The following KCNC1 variants were observed in gnomAD, a reference collection of about 807,000 sequenced individuals.
KCNC1 encodes voltage-gated potassium channel KCNC1.
A neutral mutation model predicts 43.4 loss-of-function variants in KCNC1; 8 were observed. The observed-to-expected ratio is 0.18, with a 90% CI of 0.11 to 0.33. The LOEUF (loss-of-function observed/expected upper bound fraction) is 0.33, where lower values mean the gene tolerates loss of function less well. Among genes scored for constraint, KCNC1 ranks in the 10% least tolerant of loss-of-function variants. The pLI, the probability that KCNC1 is intolerant of heterozygous loss-of-function variation, is 1.00. For missense variants in KCNC1, 420 were observed against 836.0 expected (o/e 0.50, Z 6.14); for synonymous variants, 361 against 360.5 (o/e 1.00, Z -0.01).
rs1373686493 is a variant in KCNC1 at position 17,779,526 on chromosome 11, C to T, written c.1575C>T (p.Ala525=). 1 of 1,551,478 alleles carries T rather than the reference C, an allele frequency of 6.4e-7. No homozygotes were observed. Among genetic ancestry groups the T allele is most frequent in the Non-Finnish European group, 8.7e-7 (1 of 1,146,946 alleles). The change falls in exon 3 of 4, where the codon GCC becomes GCT. Residue 525 remains alanine, a synonymous_variant. Coordinates refer to ENST00000265969, the MANE Select transcript of KCNC1 (RefSeq NM_001112741.2). This position sits in a 1 kb window ranked among gnomAD's most constrained non-coding sequence, Gnocchi z 7.2. ...ANEDCPHIDQ[A]LTPDEGLPFT... ...AAGACTGCCCCCACATAGACCAGGCCCTCACTCCCGATGAGGGCCTGCCCT... is the reference window on the plus strand; with the variant it reads ...AAGACTGCCCCCACATAGACCAGGCTCTCACTCCCGATGAGGGCCTGCCCT...
intron 1 of KCNC1, among the ~76,000 whole-genome samples, chr11:17,753,283 C>G (rs1438365479): frequency 1.3e-5 from 2 of 152,240 alleles, no homozygotes; most frequent in Non-Finnish European, 2.9e-5. Context: ...CCACCTTGAG[C>G]CATCCTAGCA....
chr11:17,739,230 A>G lies in KCNC1; in HGVS notation c.570+2658A>G, dbSNP rs1412403428. ...TAAGTCGTTATTCTAGATCTAGGCC[A>G]GCATGTTGTGTGTGATCTTGCATAT... On this transcript the variant is annotated intron_variant, in intron 1 of 3. Coordinates refer to ENST00000265969, the MANE Select transcript of KCNC1 (RefSeq NM_001112741.2). The surrounding 1 kb of genome is among the most constrained non-coding windows in gnomAD (Gnocchi z 4.2). 6.6e-6 allele frequency among the ~76,000 whole-genome samples: 1 copy of G among 152,172 alleles called. No homozygotes were observed. Among genetic ancestry groups the G allele is most frequent in the Admixed American group, 6.5e-5 (1 of 15,276 alleles).
intron 2 of KCNC1, among the ~76,000 whole-genome samples, chr11:17,778,959 A>G (rs1270631906): frequency 6.6e-6 from 1 of 151,962 alleles, no homozygotes; most frequent in African/African-American, 2.4e-5. Context: ...GTATGGAGCT[A>G]GGGAAGCCCG....
rs1849322608 is a variant in KCNC1, at chr11:17,779,494, G to A, written c.1543G>A (p.Ala515Thr). 1.3e-6 allele frequency: 2 copies of A among 1,550,360 alleles called. No homozygotes were observed. The change falls in exon 3 of 4, where the codon GCG (alanine) becomes ACG (threonine). Residue 515 changes from alanine (A) to threonine (T), a missense_variant. Physicochemically the swap from Ala to Thr is moderately conservative, Grantham distance 58 (BLOSUM62 0). Around this residue, in one of 5 missense-constraint regions of KCNC1, gnomAD observed 147 missense variants for 176.1 expected, o/e 0.83. Transcript: ENST00000265969. The surrounding 1 kb of genome is among the most constrained non-coding windows in gnomAD (Gnocchi z 7.2). ...TGGGGAGGTGGCGAAGGCCGCGCTG[G>A]CGAACGAAGACTGCCCCCACATAGA... ...LNGEVAKAAL[A>T]NEDCPHIDQA...
At chr11:17,741,846 T>C (rs749883691) in intron 1 of KCNC1, among the ~76,000 whole-genome samples, 96 of 152,298 alleles carry the variant, frequency 6.3e-4, no homozygotes, top group Non-Finnish European at 1.2e-3. Flanking sequence ...TCTGGAGCGC[T>C]CTTTCCTCTG....
At chr11:17,750,690 T>G (rs1848957795) in intron 1 of KCNC1, among the ~76,000 whole-genome samples, 1 of 152,160 alleles carries the variant, frequency 6.6e-6, no homozygotes, top group Non-Finnish European at 1.5e-5. Context: ...GTGCTCCGGC[T>G]CCCTGCCCTT....
intron 2 of KCNC1, chr11:17,772,877 C>T: frequency 7.7e-7 from 1 of 1,303,858 alleles, no homozygotes; most frequent in Non-Finnish European, 9.7e-7. Context: ...CGCCAGGTTG[C>T]TGAGGACTAA....
chr11:17,773,547 T>C lies in KCNC1; in HGVS notation c.1504+949T>C, dbSNP rs1158350047. ...CAGTGTACAACCACTTTCCCGTGAA[T>C]TCACTGGGGGCCGGGAGGGGGGAGG... On this transcript the variant is annotated intron_variant, in intron 2 of 3. Transcript: ENST00000265969. The surrounding 1 kb of genome is among the most constrained non-coding windows in gnomAD (Gnocchi z 4.1). 1.0e-6 allele frequency: 1 copy of C among 980,128 alleles called. No homozygotes were observed. Among genetic ancestry groups the C allele is most frequent in the Non-Finnish European group, 1.2e-6 (1 of 828,432 alleles). 60.7% of individuals were successfully genotyped at this position (980,128 alleles called of 1,614,324 possible). A position where few individuals can be genotyped will look rare whatever the true frequency, so the allele number is the denominator to read the frequency against.
At chr11:17,743,480 T>C (rs1437682364) in intron 1 of KCNC1, among the ~76,000 whole-genome samples, 1 of 152,240 alleles carries the variant, frequency 6.6e-6, no homozygotes, top group African/African-American at 2.4e-5. Context: ...GGCCAGGCCA[T>C]GGGCTAAGAG....
At position 17,779,654 on chromosome 11, in the gene KCNC1, G is replaced by A. The variant is rs961757296; in HGVS notation, c.1693+10G>A. On this transcript the variant is annotated intron_variant, in intron 3 of 3. Transcript: ENST00000265969. The surrounding 1 kb of genome is among the most constrained non-coding windows in gnomAD (Gnocchi z 7.2). Reference sequence around the variant, plus strand: ...GGAGGAATGAGAAAGGGTATGTAGAGGAAGCTGGAGCACCGTGCATCGTCC... The same window carrying A: ...GGAGGAATGAGAAAGGGTATGTAGAAGAAGCTGGAGCACCGTGCATCGTCC... 7.9e-6 allele frequency: 12 copies of A among 1,521,374 alleles called. No individual in the cohort carries two copies. The highest frequency in any genetic ancestry group is 2.1e-5 in the Admixed American group (1 of 46,976). The allele number at this position is 1,521,374 out of a possible 1,614,324, so 94.2% of individuals were successfully genotyped here.
rs1435920065 is a variant in KCNC1, at chr11:17,742,145, G to C, written c.570+5573G>C. On this transcript the variant is annotated intron_variant, in intron 1 of 3. Coordinates refer to ENST00000265969, the MANE Select transcript of KCNC1 (RefSeq NM_001112741.2). The surrounding 1 kb of genome is among the most constrained non-coding windows in gnomAD (Gnocchi z 4.2). ...CCTGAGGCCCCTCGTGAGCGGGTTA[G>C]CTGAGGGCTGGCTGGGAAACTCGTA... Among the ~76,000 whole-genome samples, 8 of 152,216 alleles carry C rather than the reference G, an allele frequency of 5.3e-5. No individual in the cohort carries two copies. The highest frequency in any genetic ancestry group is 2.0e-4 in the Admixed American group (3 of 15,286).
intron 1 of KCNC1, among the ~76,000 whole-genome samples, chr11:17,755,967 AG>A (rs1383151867): frequency 6.6e-6 from 1 of 152,176 alleles, no homozygotes; most frequent in Non-Finnish European, 1.5e-5. Flanking sequence ...GAGTTGGCAA[AG>A]GACTCCAAGA....
chr11:17,768,455 T>C (rs1211236752), intron 1 of KCNC1, among the ~76,000 whole-genome samples: 1 of 152,042 alleles, frequency 6.6e-6, no homozygotes, highest in African/African-American at 2.4e-5. Context: ...GCTGGGGAAT[T>C]TGGACTTTCT....
chr11:17,753,543 A>G (rs1848991512), intron 1 of KCNC1, among the ~76,000 whole-genome samples: 1 of 152,214 alleles, frequency 6.6e-6, no homozygotes, highest in Admixed American at 6.5e-5. Flanking sequence ...GTACAAAACA[A>G]TCTTCAGGAT....
chr11:17,777,592 C>T lies in KCNC1; in HGVS notation c.1505-1864C>T. 1.0e-6 allele frequency: 1 copy of T among 985,860 alleles called. No individual in the cohort carries two copies. Among genetic ancestry groups the T allele is most frequent in the South Asian group, 4.7e-5 (1 of 21,276 alleles). The allele number at this position is 985,860 out of a possible 1,614,324, so 61.1% of individuals were successfully genotyped here. A position where few individuals can be genotyped will look rare whatever the true frequency, so the allele number is the denominator to read the frequency against. On this transcript the variant is annotated intron_variant, in intron 2 of 3. Transcript: ENST00000265969. The surrounding 1 kb of genome is among the most constrained non-coding windows in gnomAD (Gnocchi z 4.3). ...ACACGTGTGTGCCTGCAGACATGCC[C>T]CAAGACCCCAGAGACGCCCCGGCCC...
At chr11:17,746,316 C>T (rs1352294578) in intron 1 of KCNC1, among the ~76,000 whole-genome samples, 1 of 152,246 alleles carries the variant, frequency 6.6e-6, no homozygotes, top group Non-Finnish European at 1.5e-5. Context: ...AACCCTCTGT[C>T]TTTTCGAACT....
At chr11:17,740,566 G>C (rs1406386863) in intron 1 of KCNC1, among the ~76,000 whole-genome samples, 2 of 152,150 alleles carry the variant, frequency 1.3e-5, no homozygotes, top group Admixed American at 1.3e-4. Flanking sequence ...TCTCTGATTT[G>C]CATGTCATCA....
At chr11:17,748,327 G>A (rs1192674746) in intron 1 of KCNC1, among the ~76,000 whole-genome samples, 2 of 152,268 alleles carry the variant, frequency 1.3e-5, no homozygotes, top group African/African-American at 4.8e-5. Flanking sequence ...GGTTCAAGGC[G>A]CAGCGAGGAG....
At chr11:17,759,668 A>G (rs779145430) in intron 1 of KCNC1, among the ~76,000 whole-genome samples, 4 of 152,130 alleles carry the variant, frequency 2.6e-5, no homozygotes, top group Non-Finnish European at 5.9e-5. Flanking sequence ...ATGCCTGAGG[A>G]GAGAGAGAGA....
Sources: gnomAD v4.1 joint callset for allele counts (sites outside exome capture counted in the v4.1 genomes callset) on GRCh38, gnomAD v4.1.1 for gene constraint, gnomAD v4.1.1 regional missense constraint, Gnocchi (gnomAD v3.1) non-coding constraint, MANE v1.5 for transcripts, NCBI Gene and HGNC (gene_info 2026-07-23, HGNC 2026-07-21) for gene names.